CTNNA3: variants seen among roughly 807,000 people sequenced by gnomAD.
CTNNA3 encodes the protein catenin alpha 3, also known as catenin alpha-3.
CTNNA3 carries 76 observed loss-of-function variants against 95.7 expected under a neutral mutation model. The ratio of observed to expected loss-of-function variants is 0.79; its 90% CI spans 0.66 to 0.96. The LOEUF is 0.96. Ranked by LOEUF, CTNNA3 falls within the 40% of genes least tolerant of loss-of-function variation. CTNNA3 has a pLI of 0.00. For missense variants in CTNNA3, 1,191 were observed against 1,089.8 expected (o/e 1.09, Z -1.31); for synonymous variants, 431 against 374.4 (o/e 1.15, Z -1.74).
At chr10:66,813,556 ATTAT>A (rs1301387275) in intron 7 of CTNNA3, among the ~76,000 whole-genome samples, 1 of 152,178 alleles carries the variant, frequency 6.6e-6, no homozygotes, top group Non-Finnish European at 1.5e-5. Flanking sequence ...TTCATATGTA[ATTAT>A]TTAATAAATT....
intron 13 of CTNNA3, among the ~76,000 whole-genome samples, chr10:66,237,025 A>G (rs2089888419): frequency 6.6e-6 from 1 of 152,114 alleles, no homozygotes. Flanking sequence ...GCTACTCAGG[A>G]AGCTAAGGCA....
chr10:67,659,509 G>T (rs1436749384), intron 1 of CTNNA3, among the ~76,000 whole-genome samples: 2 of 152,092 alleles, frequency 1.3e-5, no homozygotes, highest in Non-Finnish European at 2.9e-5. Flanking sequence ...TGCCAAAATG[G>T]AGACCCATCT....
chr10:67,613,285 T>G (rs1383060175), intron 2 of CTNNA3, among the ~76,000 whole-genome samples: 1 of 150,968 alleles, frequency 6.6e-6, no homozygotes, highest in East Asian at 1.9e-4. Flanking sequence ...TACCACGAAC[T>G]CAATAAGGAC....
At chr10:66,032,144 T>G (rs2133459870) in intron 15 of CTNNA3, among the ~76,000 whole-genome samples, 1 of 152,292 alleles carries the variant, frequency 6.6e-6, no homozygotes, top group Non-Finnish European at 1.5e-5. Flanking sequence ...AGAGGACATT[T>G]TTAAAAAATA....
chr10:66,687,390 C>A (rs964550568), intron 9 of CTNNA3, among the ~76,000 whole-genome samples: 2 of 152,020 alleles, frequency 1.3e-5, no homozygotes, highest in Non-Finnish European at 2.9e-5. Flanking sequence ...TTGGTACATA[C>A]CCATCCTAAT....
At chr10:66,518,622 A>C in intron 11 of CTNNA3, among the ~76,000 whole-genome samples, 1 of 152,254 alleles carries the variant, frequency 6.6e-6, no homozygotes, top group South Asian at 2.1e-4. Flanking sequence ...TAAATGAATA[A>C]GTTCTTGAAT....
At chr10:66,988,391 G>A (rs1344176937) in intron 7 of CTNNA3, among the ~76,000 whole-genome samples, 2 of 152,090 alleles carry the variant, frequency 1.3e-5, no homozygotes, top group Non-Finnish European at 2.9e-5. Flanking sequence ...CCAATACAAT[G>A]ATTTTCTAGC....
At chr10:67,568,442 C>G (rs1212982001) in intron 3 of CTNNA3, among the ~76,000 whole-genome samples, 1 of 147,168 alleles carries the variant, frequency 6.8e-6, no homozygotes, top group Non-Finnish European at 1.5e-5. Flanking sequence ...CTATCTTCTC[C>G]CTGATTGTTC....
In CTNNA3 at chr10:67,556,324, G is replaced by A. The variant is rs532633690; in HGVS notation, c.293-16655C>T. Among the ~76,000 whole-genome samples, 2 of 152,282 alleles carry A rather than the reference G, an allele frequency of 1.3e-5. 1 individual carries two copies. The highest frequency in any genetic ancestry group is 1.3e-4 in the Admixed American group (2 of 15,286). The stretch of plus-strand genomic sequence containing the variant: ...CCATAAATTGGAATAGTTTCAGAAG[G>A]AATAGTACCAGCTCCTTTTTGTACC... On this transcript the variant is annotated intron_variant, in intron 3 of 17. Transcript: ENST00000433211.
chr10:67,232,921 T>C (rs1387600344), intron 5 of CTNNA3, among the ~76,000 whole-genome samples: 2 of 151,964 alleles, frequency 1.3e-5, no homozygotes, highest in African/African-American at 4.8e-5. Context: ...AGAAGGCCAT[T>C]ACATAACGGT....
At chr10:67,416,266 G>T (rs569104413) in intron 5 of CTNNA3, among the ~76,000 whole-genome samples, 6 of 152,112 alleles carry the variant, frequency 3.9e-5, no homozygotes, top group African/African-American at 1.4e-4. Flanking sequence ...CTAATATCCA[G>T]AATCTATGGT....
At chr10:66,990,648 C>T (rs902777752) in intron 7 of CTNNA3, among the ~76,000 whole-genome samples, 1 of 151,980 alleles carries the variant, frequency 6.6e-6, no homozygotes, top group African/African-American at 2.4e-5. Flanking sequence ...CCAGTGTGGA[C>T]CAGATAAGTG....
intron 1 of CTNNA3, among the ~76,000 whole-genome samples, chr10:67,755,373 G>A (rs144543041): frequency 9.9e-5 from 15 of 152,200 alleles, no homozygotes; most frequent in Admixed American, 5.2e-4. Context: ...GTAAAGAAAG[G>A]GAAGCCATTA....
At chr10:67,246,741 T>G (rs1202834615) in intron 5 of CTNNA3, among the ~76,000 whole-genome samples, 2 of 152,192 alleles carry the variant, frequency 1.3e-5, no homozygotes, top group African/African-American at 4.8e-5. Flanking sequence ...GATCTTTAAA[T>G]GATAAGTTAC....
chr10:67,338,017 A>G (rs1842055989), intron 5 of CTNNA3, among the ~76,000 whole-genome samples: 1 of 152,198 alleles, frequency 6.6e-6, no homozygotes, highest in African/African-American at 2.4e-5. Context: ...CTCTATATAT[A>G]AAGAGAGGGA....
intron 14 of CTNNA3, among the ~76,000 whole-genome samples, chr10:66,101,978 T>C (rs1419736086): frequency 6.6e-6 from 1 of 151,582 alleles, no homozygotes; most frequent in East Asian, 1.9e-4. Context: ...AATATCAACA[T>C]TTTTTTTAAG....
intron 5 of CTNNA3, among the ~76,000 whole-genome samples, chr10:67,434,610 G>C (rs7907588): frequency 0.91 from 138,328 of 151,942 alleles, 63,508 homozygotes; most frequent in East Asian, 1. Context: ...TAAGCCCATT[G>C]TAATAAAGAA....
chr10:67,325,039 ATACTC>A (rs1273216951), intron 5 of CTNNA3, among the ~76,000 whole-genome samples: 30 of 151,962 alleles, frequency 2.0e-4, no homozygotes, highest in African/African-American at 7.0e-4. Context: ...GGTCTTCATA[ATACTC>A]TCTGATTGTT....
chr10:66,587,112 C>A lies in CTNNA3; in HGVS notation c.1374+34580G>T, dbSNP rs111931869. On this transcript the variant is annotated intron_variant, in intron 10 of 17. Coordinates refer to ENST00000433211, the MANE Select transcript of CTNNA3 (RefSeq NM_013266.4). ...GGAGTGACACAGACTCTGAGATTTT[C>A]TTGGTTATAAATAGCTTTAGTGTTT... Among the ~76,000 whole-genome samples, 1,343 of 152,176 alleles carry A rather than the reference C, an allele frequency of 8.8e-3. 6 individuals are homozygous for A. The highest frequency in any genetic ancestry group is 0.02 in the Middle Eastern group (6 of 294).
Sources: gnomAD v4.1 joint callset for allele counts (sites outside exome capture counted in the v4.1 genomes callset) on GRCh38, gnomAD v4.1.1 for gene constraint, MANE v1.5 for transcripts, NCBI Gene and HGNC (gene_info 2026-07-23, HGNC 2026-07-21) for gene names.